RBM20: variants seen among roughly 807,000 people sequenced by gnomAD.
RBM20 encodes the protein RNA binding motif protein 20.
RBM20 carries 51 observed loss-of-function variants against 110.1 expected under a neutral mutation model. The ratio of observed to expected loss-of-function variants is 0.46; its 90% CI spans 0.37 to 0.59. The LOEUF is 0.59. Ranked by LOEUF, RBM20 falls within the 20% of genes least tolerant of loss-of-function variation. The pLI is 0.00. For synonymous variants in RBM20, 589 were observed against 618.2 expected (o/e 0.95, Z 0.70); for missense variants, 1,512 against 1,574.9 (o/e 0.96, Z 0.68).
rs34824300 is a variant in RBM20, at chr10:110,734,618, C to CGT, written c.192-46183_192-46182insGT. Among the ~76,000 whole-genome samples, 811 of 136,512 alleles carry CGT rather than the reference C, an allele frequency of 5.9e-3. 11 individuals carry two copies. The highest frequency in any genetic ancestry group is 0.033 in the South Asian group (145 of 4,334). The allele number at this position is 136,512 out of a possible 152,430, so 89.6% of individuals were successfully genotyped here. The stretch of plus-strand genomic sequence containing the variant: ...CATGGAACCAATATAAAAATTCCCT[C>CGT]TTTTTTTTTTTTTTTTTTGAGAGTG... On this transcript the variant is annotated intron_variant, in intron 1 of 13. Coordinates refer to ENST00000369519, the MANE Select transcript of RBM20 (RefSeq NM_001134363.3).
chr10:110,767,053 C>T, intron 1 of RBM20, among the ~76,000 whole-genome samples: 1 of 137,620 alleles, frequency 7.3e-6, no homozygotes, highest in Non-Finnish European at 1.6e-5. Context: ...CCTCACCTCC[C>T]GGACGGGGCG....
At chr10:110,718,857 C>T (rs896650539) in intron 1 of RBM20, among the ~76,000 whole-genome samples, 8 of 152,068 alleles carry the variant, frequency 5.3e-5, no homozygotes, top group African/African-American at 1.9e-4. Context: ...TTCAAGTTAT[C>T]CACCCATCTC....
intron 1 of RBM20, among the ~76,000 whole-genome samples, chr10:110,763,565 C>T (rs1055945381): frequency 2.6e-5 from 4 of 151,882 alleles, no homozygotes; most frequent in Non-Finnish European, 5.9e-5. Flanking sequence ...TAGAAAATCA[C>T]GTGAAGGTTG....
intron 1 of RBM20, among the ~76,000 whole-genome samples, chr10:110,746,228 A>G (rs912411113): frequency 1.3e-5 from 2 of 152,182 alleles, no homozygotes; most frequent in East Asian, 3.8e-4. Context: ...TCTGAGGCCA[A>G]TTGAGGTAGA....
At chr10:110,831,651 C>A (rs544380988) in intron 13 of RBM20, 1 of 141,606 alleles carries the variant, frequency 7.1e-6, no homozygotes, top group Non-Finnish European at 1.5e-5. Context: ...ATGCAGGTAT[C>A]CCTGCTTGCT....
At chr10:110,797,315 A>T (rs1276982305) in intron 5 of RBM20, among the ~76,000 whole-genome samples, 193 bp from the exon 6 acceptor site, 2 of 152,070 alleles carry the variant, frequency 1.3e-5, no homozygotes, top group African/African-American at 4.8e-5. Context: ...ATATATAATG[A>T]ATCCTTTTGT....
chr10:110,815,186 C>G (rs1308777500), intron 9 of RBM20, among the ~76,000 whole-genome samples: 2 of 152,212 alleles, frequency 1.3e-5, no homozygotes, highest in Non-Finnish European at 1.5e-5. Context: ...GTATTAGGAT[C>G]TGATTTCTGC....
At chr10:110,724,862 G>C (rs945444344) in intron 1 of RBM20, among the ~76,000 whole-genome samples, 42 of 152,154 alleles carry the variant, frequency 2.8e-4, no homozygotes, top group African/African-American at 1.0e-3. Flanking sequence ...CTTGATCCTG[G>C]TCTGCCTGCA....
chr10:110,648,658 C>T (rs1466541122), intron 1 of RBM20, among the ~76,000 whole-genome samples: 1 of 151,958 alleles, frequency 6.6e-6, no homozygotes, highest in Non-Finnish European at 1.5e-5. Flanking sequence ...ATAAGACAAG[C>T]ATTCAGCAGG....
At chr10:110,817,748 C>T (rs374686930) in intron 9 of RBM20, among the ~76,000 whole-genome samples, 173 of 152,232 alleles carry the variant, frequency 1.1e-3, no homozygotes, top group African/African-American at 3.7e-3. Context: ...TTTGGAGGCA[C>T]GGTGAGTATT....
rs1214738072 is a variant in RBM20 at position 110,668,267 on chromosome 10, T to A, written c.191+23622T>A. Among the ~76,000 whole-genome samples, 6 of 2,210 alleles carry A rather than the reference T, an allele frequency of 2.7e-3. No individual in the cohort carries two copies. In the Non-Finnish European group the frequency reaches 0.042, roughly 15 times the overall value. The allele number at this position is 2,210 out of a possible 152,430, so 1.4% of individuals were successfully genotyped here. A position where few individuals can be genotyped will look rare whatever the true frequency, so the allele number is the denominator to read the frequency against. On this transcript the variant is annotated intron_variant, in intron 1 of 13. Transcript: ENST00000369519. ...CTTGGGTGGGGAGGCCAAAAGGGAA[T>A]TAGGGACCACTAGCCTAGCCCCCTG...
At chr10:110,648,155 T>C (rs1435026315) in intron 1 of RBM20, among the ~76,000 whole-genome samples, 1 of 152,230 alleles carries the variant, frequency 6.6e-6, no homozygotes. Context: ...GGTTTAGCAT[T>C]TGATGGCTAG....
chr10:110,780,709 A>G (rs1370420948), intron 1 of RBM20, 92 bp from the exon 2 acceptor site: 12 of 1,379,584 alleles, frequency 8.7e-6, no homozygotes, highest in Non-Finnish European at 1.1e-5. Context: ...GGTCTTGTTT[A>G]TGTGGGAGGG....
At chr10:110,831,666 TAAAA>T (rs869203382) in intron 13 of RBM20, among the ~76,000 whole-genome samples, 3 of 58,400 alleles carry the variant, frequency 5.1e-5, no homozygotes, top group Non-Finnish European at 7.4e-5. Context: ...CTTGCTAGAA[TAAAA>T]AAAAAAAAAA....
chr10:110,830,534 T>C (rs563645808), intron 12 of RBM20, among the ~76,000 whole-genome samples: 16 of 152,322 alleles, frequency 1.1e-4, no homozygotes, highest in African/African-American at 3.6e-4. Context: ...AGGTTAATTA[T>C]GTGGAAGAAA....
rs560872587 is a variant in RBM20 at position 110,705,386 on chromosome 10, C to G, written c.191+60741C>G. ...TCAGATCCAATAAAATATTTCACAT[C>G]TGAATTAGCATCTGATTTTTCATTT... is the stretch of plus-strand genomic sequence containing the variant. On this transcript the variant is annotated intron_variant, in intron 1 of 13. Transcript: ENST00000369519. Among the ~76,000 whole-genome samples the G allele has an allele frequency of 3.3e-5, 5 of 152,304 alleles. No homozygotes were observed. In the South Asian group the frequency reaches 8.3e-4, roughly 25 times the overall value.
At chr10:110,648,017 G>T (rs1332387335) in intron 1 of RBM20, among the ~76,000 whole-genome samples, 7 of 152,154 alleles carry the variant, frequency 4.6e-5, no homozygotes, top group Non-Finnish European at 7.3e-5. Flanking sequence ...TATTTGATTT[G>T]CAGCAAAATA....
chr10:110,743,541 TAC>T (rs56256343), intron 1 of RBM20, among the ~76,000 whole-genome samples: 6 of 150,428 alleles, frequency 4.0e-5, no homozygotes, highest in East Asian at 1.9e-4. Flanking sequence ...AGTTTATACA[TAC>T]ACACACACAC....
At chr10:110,740,697 T>C (rs1375835170) in intron 1 of RBM20, among the ~76,000 whole-genome samples, 2 of 152,216 alleles carry the variant, frequency 1.3e-5, no homozygotes, top group Non-Finnish European at 2.9e-5. Context: ...TAAAGTGACT[T>C]GTTTTCTTCT....
Sources: allele counts gnomAD v4.1 joint callset (sites outside exome capture counted in the v4.1 genomes callset), GRCh38; gene constraint gnomAD v4.1.1; transcripts MANE v1.5; gene names NCBI Gene and HGNC (gene_info 2026-07-23, HGNC 2026-07-21).